OTUD7B: variants seen among roughly 807,000 people sequenced by gnomAD.
OTUD7B encodes the protein OTU domain-containing protein 7B.
In OTUD7B, 34 loss-of-function variants were observed where a neutral mutation model predicts 82.2. The ratio of observed to expected loss-of-function variants is 0.41; its 90% CI spans 0.31 to 0.55. OTUD7B has a LOEUF of 0.55. Ranked by LOEUF, OTUD7B falls within the 20% of genes least tolerant of loss-of-function variation. OTUD7B has a pLI of 0.20. For synonymous variants in OTUD7B, 398 were observed against 402.7 expected, an observed-to-expected ratio of 0.99 and a Z score of 0.14; for missense variants, 944 against 1,062.1, an observed-to-expected ratio of 0.89 and a Z score of 1.55.
intron 7 of OTUD7B, among the ~76,000 whole-genome samples, chr1:149,952,419 T>C (rs1648333014): frequency 1.3e-5 from 2 of 152,200 alleles, no homozygotes; most frequent in Admixed American, 1.3e-4. Flanking sequence ...ATGGTGTATA[T>C]GTGCCACATT....
chr1:149,965,301 G>T lies in OTUD7B; in HGVS notation c.604+476C>A, dbSNP rs1193234107. 2.0e-5 allele frequency among the ~76,000 whole-genome samples: 3 copies of T among 152,172 alleles called. No homozygotes were observed. The East Asian group carries it at 5.8e-4, about 30-fold the overall frequency. ...AGAATCGCTTGAACCCAGGGGTGGA[G>T]GTCACAGTGAGCTGAGATCACACCA... On this transcript the variant is annotated intron_variant, in intron 5 of 11. Transcript: ENST00000581312.
the OTUD7B span, among the ~76,000 whole-genome samples, chr1:150,064,095 T>C: frequency 1.3e-5 from 2 of 152,188 alleles, no homozygotes; most frequent in African/African-American, 4.8e-5. Context: ...TAACCATAAG[T>C]GAAAAATAAG....
intron 1 of OTUD7B, among the ~76,000 whole-genome samples, chr1:150,004,006 C>A (rs990676082): frequency 6.6e-5 from 10 of 152,182 alleles, no homozygotes; most frequent in African/African-American, 2.4e-4. Context: ...CACTCAATGT[C>A]TCAGACACCC....
rs1366020859 is a variant in OTUD7B, at chr1:149,960,413, T to TTTTTTTTTG, written c.733-618_733-617insCAAAAAAAA. Among the ~76,000 whole-genome samples, 118 of 72,562 alleles carry TTTTTTTTTG rather than the reference T, an allele frequency of 1.6e-3. 15 individuals are homozygous for TTTTTTTTTG. Among genetic ancestry groups the TTTTTTTTTG allele is most frequent in the Middle Eastern group, 0.022 (1 of 46 alleles). The allele number at this position is 72,562 out of a possible 152,430, so 47.6% of individuals were successfully genotyped here. ...CCTTTTTTTCTTTTTTTTTTTTTTGTAGACAGAGTCACCCAGGCTGGAGTG... is the reference window on the plus strand; with the variant it reads ...CCTTTTTTTCTTTTTTTTTTTTTTGTTTTTTTTTGAGACAGAGTCACCCAGGCTGGAGTG... On this transcript the variant is annotated intron_variant, in intron 6 of 11. Coordinates refer to ENST00000581312, the MANE Select transcript of OTUD7B (RefSeq NM_020205.4).
the OTUD7B span, among the ~76,000 whole-genome samples, chr1:150,043,837 A>G: frequency 1.3e-5 from 2 of 152,218 alleles, no homozygotes; most frequent in Non-Finnish European, 2.9e-5. Context: ...GAGGCTAGGC[A>G]CTATGGTTCA....
At chr1:150,007,870 A>G (rs978664083) in intron 1 of OTUD7B, among the ~76,000 whole-genome samples, 6 of 152,206 alleles carry the variant, frequency 3.9e-5, no homozygotes, top group Non-Finnish European at 8.8e-5. Flanking sequence ...CATAGGAAAG[A>G]TACTGCTGAG....
Position 149,949,073 on chromosome 1 carries a change from T to C in OTUD7B, c.1134A>G (p.Pro378=). 6.2e-7 allele frequency: 1 copy of C among 1,606,304 alleles called. No homozygotes were observed. Among genetic ancestry groups the C allele is most frequent in the Non-Finnish European group, 8.5e-7 (1 of 1,172,832 alleles). The stretch of plus-strand genomic sequence containing the variant: ...GCAGCTTATACTCTGAATCTGTAAG[T>C]GGGATCACAGCTGGAGAGGAAGAAA... ...KENTKEQAVI[P]LTDSEYKLLP... Residue 378 remains proline, a synonymous_variant, in exon 10 of 12, where the codon CCA becomes CCG. Transcript: ENST00000581312.
chr1:149,965,940 T>A, intron 4 of OTUD7B, 62 bp from the exon 5 acceptor site: 1 of 1,398,642 alleles, frequency 7.1e-7, no homozygotes, highest in Non-Finnish European at 1.0e-6. Flanking sequence ...ACCTTCCTAT[T>A]TCTGAAACAG....
Position 149,949,788 on chromosome 1 carries a change from G to T in OTUD7B, c.974-10C>A. On this transcript the variant is annotated splice_polypyrimidine_tract_variant and intron_variant, in intron 8 of 11. Coordinates refer to ENST00000581312, the MANE Select transcript of OTUD7B (RefSeq NM_020205.4). ...GGAATAGGGGCAAATGCTGCAGGAAGCCATGAAGATTATTATGAAGGCTGT... is the reference window on the plus strand; with the variant it reads ...GGAATAGGGGCAAATGCTGCAGGAATCCATGAAGATTATTATGAAGGCTGT... The T allele has an allele frequency of 6.2e-7, 1 of 1,612,452 alleles. No individual in the cohort carries two copies. Among genetic ancestry groups the T allele is most frequent in the Non-Finnish European group, 8.5e-7 (1 of 1,179,176 alleles).
chr1:149,975,467 T>C (rs782756224), intron 2 of OTUD7B, among the ~76,000 whole-genome samples: 21 of 152,244 alleles, frequency 1.4e-4, no homozygotes, highest in Non-Finnish European at 2.5e-4. Context: ...CTTTATTGTA[T>C]GGTGGTTGTG....
intron 1 of OTUD7B, among the ~76,000 whole-genome samples, chr1:149,996,286 G>A (rs1651917849): frequency 6.6e-6 from 1 of 152,210 alleles, no homozygotes; most frequent in African/African-American, 2.4e-5. Flanking sequence ...GGAGAGGCAA[G>A]GGGAAGAGAG....
At chr1:149,984,590 C>G (rs1228798483) in intron 1 of OTUD7B, among the ~76,000 whole-genome samples, 1 of 152,128 alleles carries the variant, frequency 6.6e-6, no homozygotes, top group Admixed American at 6.6e-5. Context: ...TCATTCACAG[C>G]CCTAAGCACC....
chr1:150,028,694 G>A, the OTUD7B span, among the ~76,000 whole-genome samples: 1 of 152,126 alleles, frequency 6.6e-6, no homozygotes, highest in African/African-American at 2.4e-5. Context: ...TTTTGAGACA[G>A]GGTTTCGCTC....
At chr1:149,958,347 A>G (rs1553774978) in intron 7 of OTUD7B, among the ~76,000 whole-genome samples, 1 of 3,440 alleles carries the variant, frequency 2.9e-4, no homozygotes, top group African/African-American at 1.1e-3. Flanking sequence ...TTTTTTTTTG[A>G]AATGGAGTCT....
chr1:149,981,744 G>C (rs12065572), intron 1 of OTUD7B, among the ~76,000 whole-genome samples: 1,895 of 152,196 alleles, frequency 0.012, 48 homozygotes, highest in African/African-American at 0.043. Context: ...TTCAAAATTC[G>C]CTTCTGCTAT....
intron 7 of OTUD7B, among the ~76,000 whole-genome samples, chr1:149,957,538 G>T (rs1312957202): frequency 2.0e-5 from 3 of 152,160 alleles, no homozygotes; most frequent in African/African-American, 7.2e-5. Context: ...CCGCGTGCTG[G>T]GAGAACCACT....
chr1:150,030,083 C>T, the OTUD7B span, among the ~76,000 whole-genome samples: 2 of 152,136 alleles, frequency 1.3e-5, no homozygotes, highest in Admixed American at 6.5e-5. Context: ...GAAAATTACA[C>T]CTGTGGATTG....
At chr1:149,967,106 A>G (rs1322579063) in intron 4 of OTUD7B, among the ~76,000 whole-genome samples, 188 bp downstream of exon 4, 5 of 152,206 alleles carry the variant, frequency 3.3e-5, no homozygotes, top group Non-Finnish European at 5.9e-5. Flanking sequence ...TCAACCAGGA[A>G]ATTCCCAGAG....
intron 1 of OTUD7B, among the ~76,000 whole-genome samples, chr1:149,995,385 C>A (rs1299502293): frequency 6.6e-6 from 1 of 152,068 alleles, no homozygotes; most frequent in African/African-American, 2.4e-5. Flanking sequence ...TAGAGACTAG[C>A]CTGGCCAACA....
Sources: gnomAD v4.1 joint callset for allele counts (sites outside exome capture counted in the v4.1 genomes callset) on GRCh38, gnomAD v4.1.1 for gene constraint, MANE v1.5 for transcripts, NCBI Gene and HGNC (gene_info 2026-07-23, HGNC 2026-07-21) for gene names.